CLVS1: variants seen among roughly 807,000 people sequenced by gnomAD.
The protein encoded by CLVS1 is clavesin-1.
CLVS1 carries 10 observed loss-of-function variants against 33.1 expected under a neutral mutation model. The ratio of observed to expected loss-of-function variants is 0.30; its 90% CI spans 0.19 to 0.51. CLVS1 has a LOEUF of 0.51. Ranked by LOEUF, CLVS1 falls within the 20% of genes least tolerant of loss-of-function variation. The pLI is 0.97. For synonymous variants in CLVS1, 163 were observed against 166.1 expected (o/e 0.98, Z 0.14); for missense variants, 343 against 433.4 (o/e 0.79, Z 1.85).
At chr8:61,065,388 T>G (rs1804658754) in intron 1 of CLVS1, among the ~76,000 whole-genome samples, 1 of 152,150 alleles carries the variant, frequency 6.6e-6, no homozygotes, top group South Asian at 2.1e-4. Context: ...TCCATGTAAG[T>G]GGTACCTATG....
chr8:61,143,017 G>A (rs1806338390), intron 2 of CLVS1, among the ~76,000 whole-genome samples: 1 of 152,100 alleles, frequency 6.6e-6, no homozygotes, highest in African/African-American at 2.4e-5. Context: ...GAGTTAAATT[G>A]TTTTCTCTTC....
At chr8:61,367,708 T>A (rs1000003355) in intron 2 of CLVS1, among the ~76,000 whole-genome samples, 1 of 152,232 alleles carries the variant, frequency 6.6e-6, no homozygotes, top group African/African-American at 2.4e-5. Flanking sequence ...GATGAGGGAA[T>A]GAAACCACAC....
At chr8:61,407,363 A>G (rs188367452) in intron 3 of CLVS1, among the ~76,000 whole-genome samples, 128 of 152,390 alleles carry the variant, frequency 8.4e-4, no homozygotes, top group Middle Eastern at 3.4e-3. Flanking sequence ...ATTAAAAAGC[A>G]CAGATATTAG....
At chr8:61,193,977 G>T (rs535372495) in intron 2 of CLVS1, among the ~76,000 whole-genome samples, 19 of 152,106 alleles carry the variant, frequency 1.2e-4, no homozygotes, top group Admixed American at 1.1e-3. Context: ...TAATGTCTTG[G>T]ATTAAAGTTA....
chr8:61,268,930 T>C (rs1181654631), intron 2 of CLVS1, among the ~76,000 whole-genome samples: 3 of 89,090 alleles, frequency 3.4e-5, no homozygotes, highest in African/African-American at 9.1e-5. Context: ...CTTTGTCAGA[T>C]GAGTAGGTTG....
At chr8:61,064,600 G>A (rs1045056084) in intron 1 of CLVS1, among the ~76,000 whole-genome samples, 1 of 150,776 alleles carries the variant, frequency 6.6e-6, no homozygotes, top group Non-Finnish European at 1.5e-5. Flanking sequence ...GAGTGCAGGG[G>A]CACGATCTCA....
intron 2 of CLVS1, among the ~76,000 whole-genome samples, chr8:61,229,516 CA>C (rs965197769): frequency 1.3e-5 from 2 of 152,234 alleles, no homozygotes; most frequent in African/African-American, 4.8e-5. Flanking sequence ...GAGTCTGAAA[CA>C]AAAGCCCCCA....
the CLVS1 span, among the ~76,000 whole-genome samples, chr8:61,022,536 A>T: frequency 6.6e-6 from 1 of 152,238 alleles, no homozygotes; most frequent in East Asian, 1.9e-4. Flanking sequence ...AATACATTTA[A>T]AAAAATCCAA....
At chr8:61,024,440 G>T in the CLVS1 span, among the ~76,000 whole-genome samples, 1 of 152,210 alleles carries the variant, frequency 6.6e-6, no homozygotes, top group Non-Finnish European at 1.5e-5. Flanking sequence ...CTTCAGTAAA[G>T]TTCCATGAGT....
intron 2 of CLVS1, among the ~76,000 whole-genome samples, chr8:61,344,375 C>A (rs1417698210): frequency 4.6e-5 from 7 of 152,156 alleles, no homozygotes; most frequent in African/African-American, 7.2e-5. Flanking sequence ...ATCCAACATC[C>A]AGATTCCACT....
Position 61,499,687 on chromosome 8 carries a change from C to A in CLVS1, c.*145C>A, listed in dbSNP as rs184384714. 5.8e-6 allele frequency: 3 copies of A among 518,154 alleles called. No individual in the cohort carries two copies. The highest frequency in any genetic ancestry group is 3.8e-5 in the African/African-American group (2 of 53,032). The allele number at this position is 518,154 out of a possible 1,614,324, so 32.1% of individuals were successfully genotyped here. A position where few individuals can be genotyped will look rare whatever the true frequency, so the allele number is the denominator to read the frequency against. ...TCCTGAACCCCTGCAGTGACTGTCA[C>A]CAGCCATCGGTCTGAGCAGCCAAAG... On this transcript the variant is annotated 3_prime_UTR_variant, in exon 6 of 6. Transcript: ENST00000325897.
upstream of CLVS1, among the ~76,000 whole-genome samples, chr8:61,053,187 A>G (rs924780229): frequency 6.6e-6 from 1 of 152,212 alleles, no homozygotes; most frequent in African/African-American, 2.4e-5. Context: ...GGAGGGGTGG[A>G]GTCTGCAGTG....
At chr8:61,496,694 C>G (rs746966949) in intron 5 of CLVS1, among the ~76,000 whole-genome samples, 6 of 152,128 alleles carry the variant, frequency 3.9e-5, no homozygotes, top group Admixed American at 3.9e-4. Flanking sequence ...TTTTGAGACA[C>G]TTGTACTGAT....
intron 2 of CLVS1, among the ~76,000 whole-genome samples, chr8:61,365,070 G>A (rs140511299): frequency 6.6e-6 from 1 of 152,278 alleles, no homozygotes; most frequent in East Asian, 1.9e-4. Context: ...ATCATTCAAA[G>A]CAATGTAGTA....
intron 2 of CLVS1, among the ~76,000 whole-genome samples, chr8:61,251,140 G>T (rs1327515398): frequency 1.3e-5 from 2 of 152,056 alleles, no homozygotes; most frequent in Non-Finnish European, 2.9e-5. Context: ...GTTAAATTTT[G>T]TCTAAGGCCT....
chr8:61,220,590 C>T lies in CLVS1; in HGVS notation c.-151-79087C>T, dbSNP rs142796077. On this transcript the variant is annotated intron_variant, in intron 2 of 2. Transcript: ENST00000522621. Reference sequence around the variant, plus strand: ...TGTAATATAGTTTGAAGTCAGGTAGCGTGATGCCTTCAGCTTGGTTCTTTT... The same window carrying T: ...TGTAATATAGTTTGAAGTCAGGTAGTGTGATGCCTTCAGCTTGGTTCTTTT... Among the ~76,000 whole-genome samples the T allele has an allele frequency of 5.1e-3, 772 of 150,336 alleles. 11 individuals are homozygous for T. Among genetic ancestry groups the T allele is most frequent in the African/African-American group, 0.018 (733 of 41,030 alleles).
chr8:61,142,070 A>G (rs1056213230), intron 2 of CLVS1, among the ~76,000 whole-genome samples: 1 of 152,096 alleles, frequency 6.6e-6, no homozygotes, highest in African/African-American at 2.4e-5. Context: ...CCTCTTTGTA[A>G]CTCTCACAAT....
chr8:61,328,804 C>T (rs552936796), intron 2 of CLVS1, among the ~76,000 whole-genome samples: 168 of 152,242 alleles, frequency 1.1e-3, no homozygotes, highest in African/African-American at 3.8e-3. Context: ...TATTAACTCC[C>T]CTCTATCCTC....
At chr8:61,134,628 C>T (rs899198101) in intron 2 of CLVS1, among the ~76,000 whole-genome samples, 1 of 152,190 alleles carries the variant, frequency 6.6e-6, no homozygotes, top group Non-Finnish European at 1.5e-5. Flanking sequence ...ACACTTGCAG[C>T]TCCTTCTCCA....
Sources: gnomAD v4.1 joint callset for allele counts (sites outside exome capture counted in the v4.1 genomes callset) on GRCh38, gnomAD v4.1.1 for gene constraint, MANE v1.5 for transcripts, NCBI Gene and HGNC (gene_info 2026-07-23, HGNC 2026-07-21) for gene names.